FASTKD1: variants seen among roughly 807,000 people sequenced by gnomAD.
The protein encoded by FASTKD1 is FAST kinase domains 1, also known as FAST kinase domain-containing protein 1, mitochondrial.
Under a neutral mutation model 90.9 loss-of-function variants are expected in FASTKD1, and 94 were observed. That is an observed-to-expected ratio of 1.03 (90% CI 0.88 to 1.23). The LOEUF is 1.23. Among genes scored for constraint, FASTKD1 ranks in the 50% most tolerant of loss-of-function variants. The probability of loss-of-function intolerance (pLI) is 0.00; values close to 1 mark genes in which losing one functional copy is unlikely to be tolerated. For missense variants in FASTKD1, 945 were observed against 993.5 expected (o/e 0.95, Z 0.66); for synonymous variants, 319 against 345.8 (o/e 0.92, Z 0.86).
chr2:169,553,007 G>C (rs1182577572), intron 7 of FASTKD1, among the ~76,000 whole-genome samples: 1 of 152,036 alleles, frequency 6.6e-6, no homozygotes, highest in Non-Finnish European at 1.5e-5. Context: ...AGGAGATCAA[G>C]ATAAGCCTGG....
chr2:169,532,835 G>A (rs1010756329), intron 12 of FASTKD1, among the ~76,000 whole-genome samples: 1 of 152,190 alleles, frequency 6.6e-6, no homozygotes, highest in Non-Finnish European at 1.5e-5. Context: ...GTATAGGGGT[G>A]CAGTGCATGA....
At chr2:169,564,960 T>C (rs1314233942) in intron 3 of FASTKD1, among the ~76,000 whole-genome samples, 9 of 150,214 alleles carry the variant, frequency 6.0e-5, no homozygotes, top group Non-Finnish European at 3.0e-5. Flanking sequence ...TTCTTTTTTT[T>C]TTTTTTTTTT....
At chr2:169,566,631 G>A (rs1683998837) in intron 3 of FASTKD1, among the ~76,000 whole-genome samples, 1 of 152,102 alleles carries the variant, frequency 6.6e-6, no homozygotes, top group Admixed American at 6.6e-5. Flanking sequence ...ACGATGGCTT[G>A]AGCCTGGAAG....
intron 3 of FASTKD1, among the ~76,000 whole-genome samples, chr2:169,567,537 T>A (rs548936999): frequency 3.8e-4 from 58 of 152,334 alleles, no homozygotes; most frequent in African/African-American, 1.3e-3. Flanking sequence ...AATACAGAAT[T>A]TCTAAATCTG....
intron 12 of FASTKD1, among the ~76,000 whole-genome samples, chr2:169,533,037 T>G (rs1454024237): frequency 6.6e-6 from 1 of 152,164 alleles, no homozygotes; most frequent in African/African-American, 2.4e-5. Flanking sequence ...TCTCTACTTA[T>G]GTGACATTTC....
chr2:169,540,075 C>G lies in FASTKD1; in HGVS notation c.1921G>C (p.Ala641Pro). The change falls in exon 10 of 15, where the codon GCT becomes CCT. Residue 641 changes from alanine (A) to proline (P), a missense_variant. By Grantham distance (27) the Ala-to-Pro change is conservative. Transcript: ENST00000453153. ...CTTTCAAGTTGAGAATCCAATCTAG[C>G]TAAGAATTTGATGTTAAAAATTGCC... ...LKAIFNIKFL[A>P]RLDSQLEILS... The G allele has an allele frequency of 6.2e-7, 1 of 1,600,326 alleles. No homozygotes were observed. The highest frequency in any genetic ancestry group is 8.5e-7 in the Non-Finnish European group (1 of 1,173,044).
intron 7 of FASTKD1, among the ~76,000 whole-genome samples, chr2:169,554,771 G>A (rs1414918294): frequency 6.6e-5 from 10 of 152,068 alleles, no homozygotes; most frequent in East Asian, 5.8e-4. Context: ...ATGCAAGACC[G>A]AAAGGCCCTA....
chr2:169,561,893 T>C lies in FASTKD1; in HGVS notation c.573-1108A>G, dbSNP rs183198463. On this transcript the variant is annotated intron_variant, in intron 4 of 14. Transcript: ENST00000453153. ...TATTTATTAATTTATTGTAAATTAT[T>C]TATTATAAATTATTTATTTATTGTA... 2.2e-3 allele frequency among the ~76,000 whole-genome samples: 252 copies of C among 114,762 alleles called. 12 individuals carry two copies. Among genetic ancestry groups the C allele is most frequent in the East Asian group, 0.014 (32 of 2,336 alleles). 75.3% of individuals were successfully genotyped at this position (114,762 alleles called of 152,430 possible). A position where few individuals can be genotyped will look rare whatever the true frequency, so the allele number is the denominator to read the frequency against.
At chr2:169,567,127 AC>A (rs1224241059) in intron 3 of FASTKD1, among the ~76,000 whole-genome samples, 1 of 152,124 alleles carries the variant, frequency 6.6e-6, no homozygotes, top group African/African-American at 2.4e-5. Context: ...AAAAAAAAAA[AC>A]ATAAGTTTAT....
intron 3 of FASTKD1, among the ~76,000 whole-genome samples, chr2:169,568,356 TC>T: frequency 6.6e-6 from 1 of 152,264 alleles, no homozygotes; most frequent in East Asian, 1.9e-4. Context: ...GAAGTATTCT[TC>T]TAGAAAAGAA....
intron 3 of FASTKD1, among the ~76,000 whole-genome samples, chr2:169,568,235 G>A (rs962809404): frequency 5.9e-5 from 9 of 152,138 alleles, no homozygotes; most frequent in African/African-American, 2.2e-4. Flanking sequence ...CCTAAACAGT[G>A]TTAAATGGCC....
intron 5 of FASTKD1, among the ~76,000 whole-genome samples, chr2:169,559,432 CTTTTA>C (rs1165894381): frequency 6.6e-6 from 1 of 151,780 alleles, no homozygotes; most frequent in African/African-American, 2.4e-5. Flanking sequence ...TTATTTTTTT[CTTTTA>C]TTTTTTCTTT....
intron 9 of FASTKD1, among the ~76,000 whole-genome samples, chr2:169,542,553 T>C (rs769280293): frequency 2.6e-5 from 4 of 152,234 alleles, no homozygotes; most frequent in Non-Finnish European, 5.9e-5. Context: ...TACTTTTTTC[T>C]AGTACTGAAA....
chr2:169,572,051 G>A lies in FASTKD1; in HGVS notation c.-22C>T. ...TCATTTATATCACAAGTTTTCTTAG[G>A]TAAACAAAACCATCTGCAACTAGTC... On this transcript the variant is annotated 5_prime_UTR_variant, in exon 2 of 15. Transcript: ENST00000453153. 6.5e-7 allele frequency: 1 copy of A among 1,544,878 alleles called. No individual in the cohort carries two copies. The highest frequency in any genetic ancestry group is 8.7e-7 in the Non-Finnish European group (1 of 1,147,424).
intron 5 of FASTKD1, among the ~76,000 whole-genome samples, chr2:169,559,120 G>A (rs930617823): frequency 2.0e-5 from 3 of 151,388 alleles, no homozygotes; most frequent in South Asian, 2.1e-4. Context: ...GACTACAGGC[G>A]CTGCCATCAT....
chr2:169,537,231 T>C lies in FASTKD1; in HGVS notation c.2184A>G (p.Lys728=). ...KASVLTPYYH[K]VDFECILDKR... ...ATAACCTACCCAATAACTTACCTACTTTGTGGTAATAAGGCGTAAGAACCG... is the reference window on the plus strand; with the variant it reads ...ATAACCTACCCAATAACTTACCTACCTTGTGGTAATAAGGCGTAAGAACCG... Residue 728 remains lysine (K), a synonymous_variant, in exon 12 of 15, where the codon AAA becomes AAG. Coordinates refer to ENST00000453153, the MANE Select transcript of FASTKD1 (RefSeq NM_024622.6). 6.3e-7 allele frequency: 1 copy of C among 1,579,968 alleles called. No homozygotes were observed. Among genetic ancestry groups the C allele is most frequent in the Non-Finnish European group, 8.7e-7 (1 of 1,149,472 alleles).
At chr2:169,537,938 C>G in intron 11 of FASTKD1, 75 bp downstream of exon 11, 2 of 1,307,012 alleles carry the variant, frequency 1.5e-6, no homozygotes, top group South Asian at 1.5e-5. Context: ...TTAAGTATAA[C>G]AAGATTAACA....
rs1399240976 is a variant in FASTKD1 at position 169,537,214 on chromosome 2, C to A, written c.2188+13G>T. The A allele has an allele frequency of 7.0e-7, 1 of 1,421,590 alleles. No homozygotes were observed. Among genetic ancestry groups the A allele is most frequent in the Admixed American group, 1.7e-5 (1 of 59,544 alleles). The allele number at this position is 1,421,590 out of a possible 1,614,324, so 88.1% of individuals were successfully genotyped here. On this transcript the variant is annotated intron_variant, in intron 12 of 14. Transcript: ENST00000453153. ...TTTTCTGAAAGTAACTAATAACCTA[C>A]CCAATAACTTACCTACTTTGTGGTA...
In FASTKD1 at chr2:169,535,757, T is replaced by C. The variant is rs139693974; in HGVS notation, c.2188+1470A>G. Among the ~76,000 whole-genome samples the C allele has an allele frequency of 1.8e-4, 28 of 152,328 alleles. No homozygotes were observed. The East Asian group carries it at 4.8e-3, about 26-fold the overall frequency. On this transcript the variant is annotated intron_variant, in intron 12 of 14. Coordinates refer to ENST00000453153, the MANE Select transcript of FASTKD1 (RefSeq NM_024622.6). Reference sequence around the variant, plus strand: ...GTGCAAAAATCACACACATCTATCATCTGAATACTCAGCCTCTGCCTCAAC... The same window carrying C: ...GTGCAAAAATCACACACATCTATCACCTGAATACTCAGCCTCTGCCTCAAC...
Sources: gnomAD v4.1 joint callset for allele counts (sites outside exome capture counted in the v4.1 genomes callset) on GRCh38, gnomAD v4.1.1 for gene constraint, MANE v1.5 for transcripts, NCBI Gene and HGNC (gene_info 2026-07-23, HGNC 2026-07-21) for gene names.